Variants in PLCH1 observed in about 807,000 individuals in gnomAD.
PLCH1 encodes the protein phospholipase C eta 1, also known as 1-phosphatidylinositol 4,5-bisphosphate phosphodiesterase eta-1.
In PLCH1, 60 loss-of-function variants were observed where a neutral mutation model predicts 126.7. The ratio of observed to expected loss-of-function variants is 0.47; its 90% CI spans 0.38 to 0.59. The LOEUF (loss-of-function observed/expected upper bound fraction) is 0.59. PLCH1 is among the 20% of genes least tolerant of loss of function. PLCH1 has a pLI of 0.00. For missense variants in PLCH1, 1,723 were observed against 2,040.0 expected, an observed-to-expected ratio of 0.84 and a Z score of 2.99; for synonymous variants, 719 against 734.9, an observed-to-expected ratio of 0.98 and a Z score of 0.35.
intron 2 of PLCH1, among the ~76,000 whole-genome samples, chr3:155,641,119 T>C (rs557883571): frequency 1.7e-4 from 26 of 152,144 alleles, no homozygotes; most frequent in African/African-American, 5.1e-4. Context: ...AGAAAGAATT[T>C]AGCTTTCTAC....
Position 155,485,692 on chromosome 3 carries a change from G to A in PLCH1, c.2638C>T (p.Leu880=). The A allele has an allele frequency of 1.3e-6, 2 of 1,599,396 alleles. No individual in the cohort carries two copies. The highest frequency in any genetic ancestry group is 1.7e-6 in the Non-Finnish European group (2 of 1,177,660). ...GGATTCTTATTGAACAGTCCCTTCAGACCCTGGAGTTGTCTGTTCTGAAGA... is the reference window on the plus strand; with the variant it reads ...GGATTCTTATTGAACAGTCCCTTCAAACCCTGGAGTTGTCTGTTCTGAAGA... ...IYGKNRQLQG[L]KGLFNKNPRH... The change falls in exon 22 of 23, where the codon CTG becomes TTG. Residue 880 remains leucine (L), a synonymous_variant. Transcript: ENST00000460012.
chr3:155,634,568 A>G (rs1738494818), intron 2 of PLCH1, among the ~76,000 whole-genome samples: 1 of 152,152 alleles, frequency 6.6e-6, no homozygotes, highest in African/African-American at 2.4e-5. Flanking sequence ...GGATCCACCC[A>G]TAAGGGGGCC....
intron 2 of PLCH1, among the ~76,000 whole-genome samples, chr3:155,608,133 A>C (rs965835284): frequency 2.0e-5 from 3 of 152,114 alleles, no homozygotes; most frequent in African/African-American, 4.8e-5. Context: ...AAAGTAGAAG[A>C]AGCAGCAGGA....
intron 21 of PLCH1, among the ~76,000 whole-genome samples, chr3:155,454,569 G>A (rs1449867661): frequency 6.6e-6 from 1 of 152,178 alleles, no homozygotes; most frequent in East Asian, 1.9e-4. Context: ...TGTTGACTTG[G>A]CATGGGTCTG....
At chr3:155,521,277 CCTCTT>C (rs1382011211) in intron 11 of PLCH1, among the ~76,000 whole-genome samples, 1 of 152,182 alleles carries the variant, frequency 6.6e-6, no homozygotes, top group Non-Finnish European at 1.5e-5. Flanking sequence ...TGTCTATCCT[CCTCTT>C]CTCCCATTGA....
In PLCH1 at chr3:155,633,346, C is replaced by CAA. The variant is rs367695398; in HGVS notation, c.80-36970_80-36969dup. 2.9e-4 allele frequency among the ~76,000 whole-genome samples: 39 copies of CAA among 133,508 alleles called. 1 individual carries two copies. Among genetic ancestry groups the CAA allele is most frequent in the Middle Eastern group, 4.0e-3 (1 of 252 alleles). The allele number at this position is 133,508 out of a possible 152,430, so 87.6% of individuals were successfully genotyped here. On this transcript the variant is annotated intron_variant, in intron 2 of 22. Coordinates refer to ENST00000460012, the MANE Select transcript of PLCH1 (RefSeq NM_014996.4). ...CTCCTTGAAACAGTTTAGTTTTCTT[C>CAA]AAAAAAAAAAAAACCTACTCTTTCC...
At chr3:155,524,310 G>A (rs1330363528) in intron 10 of PLCH1, among the ~76,000 whole-genome samples, 1 of 152,148 alleles carries the variant, frequency 6.6e-6, no homozygotes, top group African/African-American at 2.4e-5. Flanking sequence ...AAGGTAGGAG[G>A]GTATCGGGAG....
At chr3:155,533,600 A>G (rs1218700941) in intron 10 of PLCH1, among the ~76,000 whole-genome samples, 1 of 152,242 alleles carries the variant, frequency 6.6e-6, no homozygotes, top group Admixed American at 6.5e-5. Flanking sequence ...AATTCAAGCT[A>G]GCTGCAGAAA....
At chr3:155,682,800 C>T (rs1238816096) in intron 2 of PLCH1, among the ~76,000 whole-genome samples, 2 of 152,158 alleles carry the variant, frequency 1.3e-5, no homozygotes, top group African/African-American at 2.4e-5. Flanking sequence ...CAGAGTATAA[C>T]CAAACACTTA....
At chr3:155,640,254 C>G (rs1400770266) in intron 2 of PLCH1, among the ~76,000 whole-genome samples, 1 of 152,172 alleles carries the variant, frequency 6.6e-6, no homozygotes, top group Non-Finnish European at 1.5e-5. Context: ...CAGAGCTGGG[C>G]AGGAAGGCCT....
Position 155,597,868 on chromosome 3 carries a change from T to C in PLCH1, c.80-1490A>G, listed in dbSNP as rs74285207. ...GCGTTTACTCATTTTATCTGACATA[T>C]CAAATTCCCAAATAATAAAATATTA... is the stretch of plus-strand genomic sequence containing the variant. On this transcript the variant is annotated intron_variant, in intron 2 of 22. Transcript: ENST00000460012. Among the ~76,000 whole-genome samples the C allele has an allele frequency of 3.3e-4, 50 of 152,178 alleles. No individual in the cohort carries two copies. The East Asian group carries it at 8.5e-3, about 26-fold the overall frequency.
Position 155,721,646 on chromosome 3 carries a change from C to T in PLCH1, c.-40-17382G>A, listed in dbSNP as rs575523373. ...TTTTCTAGGTGTACAATCATATCAT[C>T]GGCAAAAAACCACAGTTAGACTTCC... On this transcript the variant is annotated intron_variant, in intron 1 of 22. Transcript: ENST00000460012. Among the ~76,000 whole-genome samples the T allele has an allele frequency of 1.1e-4, 17 of 152,194 alleles. No individual in the cohort carries two copies. In the South Asian group the frequency reaches 2.1e-3, roughly 19 times the overall value.
At position 155,734,809 on chromosome 3, in the gene PLCH1, C is replaced by T. The variant is rs189913827; in HGVS notation, c.-41+10031G>A. Among the ~76,000 whole-genome samples the T allele has an allele frequency of 5.5e-3, 831 of 151,380 alleles. 9 individuals are homozygous for T. The highest frequency in any genetic ancestry group is 0.019 in the African/African-American group (790 of 41,270). On this transcript the variant is annotated intron_variant, in intron 1 of 22. Transcript: ENST00000460012. The stretch of plus-strand genomic sequence containing the variant: ...CTGCAACCTCCGCCTCCCAGGTTCA[C>T]GCCATTCTCCTGCCTCAGCCTCCCC...
intron 2 of PLCH1, among the ~76,000 whole-genome samples, chr3:155,664,722 C>T (rs1056122260): frequency 1.3e-5 from 2 of 152,182 alleles, no homozygotes; most frequent in African/African-American, 4.8e-5. Flanking sequence ...CTTGCATTTG[C>T]ATAACATTTC....
At chr3:155,652,058 G>A (rs1000569992) in intron 2 of PLCH1, among the ~76,000 whole-genome samples, 2 of 152,166 alleles carry the variant, frequency 1.3e-5, no homozygotes, top group African/African-American at 2.4e-5. Context: ...TACACTGTTC[G>A]AATCATCTGA....
intron 2 of PLCH1, among the ~76,000 whole-genome samples, chr3:155,606,431 G>A (rs879820293): frequency 2.6e-5 from 4 of 152,076 alleles, no homozygotes; most frequent in Admixed American, 1.3e-4. Flanking sequence ...TTTACTTTGG[G>A]GAGCATCAAA....
intron 2 of PLCH1, among the ~76,000 whole-genome samples, chr3:155,602,153 A>C (rs200996690): frequency 1.3e-5 from 2 of 152,222 alleles, no homozygotes; most frequent in East Asian, 3.8e-4. Flanking sequence ...AAAGATAATG[A>C]GGAAGATCTC....
In PLCH1 at chr3:155,459,156, G is replaced by T. The variant is rs142318766; in HGVS notation, c.2938+26200C>A. Among the ~76,000 whole-genome samples the T allele has an allele frequency of 2.6e-5, 4 of 152,294 alleles. No homozygotes were observed. In the East Asian group the frequency reaches 7.7e-4, roughly 29 times the overall value. On this transcript the variant is annotated intron_variant, in intron 21 of 21. Transcript: ENST00000494598. ...TGTCGCTGCAATTTACCAATATAAG[G>T]ATGATGATAATTATAGGACTTTGGC...
At chr3:155,675,169 C>T (rs1198261716) in intron 2 of PLCH1, among the ~76,000 whole-genome samples, 1 of 152,166 alleles carries the variant, frequency 6.6e-6, no homozygotes, top group East Asian at 1.9e-4. Flanking sequence ...AAACCATAAA[C>T]TAGCAACAAT....
Sources: allele counts gnomAD v4.1 joint callset (sites outside exome capture counted in the v4.1 genomes callset), GRCh38; gene constraint gnomAD v4.1.1; transcripts MANE v1.5; gene names NCBI Gene and HGNC (gene_info 2026-07-23, HGNC 2026-07-21).